Variants in SPATS2 observed in about 807,000 individuals in gnomAD.
SPATS2 encodes the protein spermatogenesis-associated serine-rich protein 2.
Under a neutral mutation model 63.7 loss-of-function variants are expected in SPATS2, and 38 were observed. The ratio of observed to expected loss-of-function variants is 0.60; its 90% CI spans 0.46 to 0.78. The LOEUF is 0.78. Ranked by LOEUF, SPATS2 falls within the 30% of genes least tolerant of loss-of-function variation. The pLI is 0.00. For synonymous variants in SPATS2, 207 were observed against 232.9 expected, an observed-to-expected ratio of 0.89 and a Z score of 1.01; for missense variants, 588 against 666.2, an observed-to-expected ratio of 0.88 and a Z score of 1.29.
chr12:49,474,130 C>A (rs1236035829), intron 3 of SPATS2, among the ~76,000 whole-genome samples: 1 of 152,176 alleles, frequency 6.6e-6, no homozygotes, highest in Non-Finnish European at 1.5e-5. Flanking sequence ...ATCACCATAA[C>A]TTTTTTTAAA....
intron 2 of SPATS2, among the ~76,000 whole-genome samples, chr12:49,402,238 G>GGGTTGTATTTAAT (rs2137304326): frequency 6.6e-6 from 1 of 152,288 alleles, no homozygotes; most frequent in African/African-American, 2.4e-5. Context: ...GTTTTGCCAG[G>GGGTTGTATTTAAT]CAGGTATGAT....
At chr12:49,499,938 T>C in intron 8 of SPATS2, 132 bp from the exon 9 acceptor site, 1 of 618,262 alleles carries the variant, frequency 1.6e-6, no homozygotes, top group African/African-American at 1.9e-5. Context: ...GTTTTTCTCA[T>C]TGGGGAAGGT....
chr12:49,432,237 G>T (rs962418698), intron 2 of SPATS2, among the ~76,000 whole-genome samples: 1 of 152,186 alleles, frequency 6.6e-6, no homozygotes, highest in African/African-American at 2.4e-5. Context: ...ACTTGGGGAG[G>T]GTGAGGCAGG....
At chr12:49,479,176 G>C (rs994189301) in intron 3 of SPATS2, among the ~76,000 whole-genome samples, 2 of 152,198 alleles carry the variant, frequency 1.3e-5, no homozygotes, top group Admixed American at 6.5e-5. Context: ...CGTGCCAGTT[G>C]GTCCGTGGGT....
intron 2 of SPATS2, among the ~76,000 whole-genome samples, chr12:49,392,883 C>T (rs1944443273): frequency 6.6e-6 from 1 of 151,948 alleles, no homozygotes; most frequent in African/African-American, 2.4e-5. Context: ...GAAACCCTGT[C>T]TCTACTAAAA....
chr12:49,436,262 G>A (rs568914036), intron 2 of SPATS2, among the ~76,000 whole-genome samples: 98 of 148,764 alleles, frequency 6.6e-4, no homozygotes, highest in Non-Finnish European at 1.1e-3. Context: ...GCGGCTGGCC[G>A]GGCGGGGGGC....
At position 49,460,956 on chromosome 12, in the gene SPATS2, C is replaced by G; in HGVS notation, c.-57C>G. The G allele has an allele frequency of 1.2e-6, 2 of 1,605,396 alleles. No individual in the cohort carries two copies. Among genetic ancestry groups the G allele is most frequent in the Non-Finnish European group, 1.7e-6 (2 of 1,173,722 alleles). ...AATCAGAGATACCTACACTCAAAAC[C>G]CAGACAAGGCAAAAGGATACTTTTC... is the stretch of plus-strand genomic sequence containing the variant. On this transcript the variant is annotated 5_prime_UTR_variant, in exon 3 of 14. Transcript: ENST00000552918.
In SPATS2 at chr12:49,526,238, G is replaced by A; in HGVS notation, c.1621G>A (p.Glu541Lys). The change falls in exon 14 of 14, where the codon GAA becomes AAA. Residue 541 changes from glutamate (E) to lysine (K), a missense_variant. Glu to Lys is a moderately conservative substitution (Grantham distance 56). Transcript: ENST00000552918. ...PQRKPRTSQT[E>K]AVNS ...GCGCAAACCCAGGACCTCTCAGACT[G>A]AAGCCGTGAACTCTTGAGAGAAAAT... The A allele has an allele frequency of 6.2e-7, 1 of 1,611,010 alleles. No individual in the cohort carries two copies. The highest frequency in any genetic ancestry group is 1.7e-5 in the Admixed American group (1 of 59,474).
At chr12:49,440,411 C>T (rs1945396445) in intron 2 of SPATS2, among the ~76,000 whole-genome samples, 1 of 151,544 alleles carries the variant, frequency 6.6e-6, no homozygotes, top group Non-Finnish European at 1.5e-5. Context: ...ATTTAGTTAT[C>T]ATGTCTTCAG....
intron 2 of SPATS2, among the ~76,000 whole-genome samples, chr12:49,373,974 T>C (rs1294203110): frequency 6.6e-6 from 1 of 151,854 alleles, no homozygotes; most frequent in Non-Finnish European, 1.5e-5. Context: ...GTCATAGCTT[T>C]TCTGGGGAGG....
intron 2 of SPATS2, among the ~76,000 whole-genome samples, chr12:49,401,933 A>G (rs1386344432): frequency 6.6e-6 from 1 of 151,546 alleles, no homozygotes; most frequent in Non-Finnish European, 1.5e-5. Context: ...CCTGACCTCA[A>G]ATGATCCACC....
intron 2 of SPATS2, among the ~76,000 whole-genome samples, chr12:49,408,204 C>T (rs1325160106): frequency 6.6e-6 from 1 of 151,796 alleles, no homozygotes; most frequent in Non-Finnish European, 1.5e-5. Context: ...AGCAGAGATA[C>T]GCCCGCTTTT....
chr12:49,511,726 T>C (rs1565758529), intron 9 of SPATS2, among the ~76,000 whole-genome samples: 1 of 152,218 alleles, frequency 6.6e-6, no homozygotes, highest in African/African-American at 2.4e-5. Flanking sequence ...TGGAAAACTT[T>C]AGCTTAAGTT....
At chr12:49,505,654 T>G (rs2137983958) in intron 9 of SPATS2, among the ~76,000 whole-genome samples, 1 of 152,348 alleles carries the variant, frequency 6.6e-6, no homozygotes, top group Admixed American at 6.5e-5. Context: ...AATATTTTAC[T>G]GAACATGTTC....
intron 2 of SPATS2, among the ~76,000 whole-genome samples, chr12:49,382,622 C>A (rs1464652350): frequency 6.6e-6 from 1 of 152,198 alleles, no homozygotes; most frequent in Non-Finnish European, 1.5e-5. Flanking sequence ...CCAGAAGTAA[C>A]CTCTGTTATA....
chr12:49,461,414 T>C (rs761134224), intron 3 of SPATS2, among the ~76,000 whole-genome samples: 1 of 152,224 alleles, frequency 6.6e-6, no homozygotes, highest in African/African-American at 2.4e-5. Context: ...TTTCCTTCTT[T>C]AGCTTTCCTT....
rs373543337 is a variant in SPATS2 at position 49,478,362 on chromosome 12, G to A, written c.26-6228G>A. On this transcript the variant is annotated intron_variant, in intron 3 of 13. Transcript: ENST00000552918. ...CTTCCTTTTCTTTGCACTTATATTT[G>A]TACAATATAACCCCAGTCCCCACAT... 1.2e-3 allele frequency among the ~76,000 whole-genome samples: 188 copies of A among 152,156 alleles called. 8 individuals carry two copies. The South Asian group carries it at 0.039, about 31-fold the overall frequency.
At chr12:49,479,787 C>G (rs143607644) in intron 3 of SPATS2, among the ~76,000 whole-genome samples, 1,579 of 152,294 alleles carry the variant, frequency 0.01, 16 homozygotes, top group South Asian at 0.026. Context: ...TAGATTATAG[C>G]AAGAATCTGA....
intron 13 of SPATS2, 72 bp downstream of exon 13, chr12:49,524,968 C>T: frequency 1.4e-6 from 2 of 1,443,578 alleles, no homozygotes; most frequent in Non-Finnish European, 1.9e-6. Flanking sequence ...ATGCTGTTAG[C>T]TCAGTATATT....
Sources: allele counts gnomAD v4.1 joint callset (sites outside exome capture counted in the v4.1 genomes callset), GRCh38; gene constraint gnomAD v4.1.1; transcripts MANE v1.5; gene names NCBI Gene and HGNC (gene_info 2026-07-23, HGNC 2026-07-21).